Variants in PRLR observed in about 807,000 individuals in gnomAD.
PRLR encodes hPRL receptor.
Under a neutral mutation model 40.2 loss-of-function variants are expected in PRLR, and 13 were observed. The ratio of observed to expected loss-of-function variants is 0.32; its 90% CI spans 0.21 to 0.51. PRLR has a LOEUF of 0.51. Ranked by LOEUF, PRLR falls within the 20% of genes least tolerant of loss-of-function variation. The pLI, the probability that PRLR is intolerant of heterozygous loss-of-function variation, is 0.97. For missense variants in PRLR, 656 were observed against 747.3 expected (o/e 0.88, Z 1.42); for synonymous variants, 269 against 278.7 (o/e 0.97, Z 0.35).
chr5:35,128,355 G>A (rs551685750), intron 1 of PRLR, among the ~76,000 whole-genome samples: 8 of 150,738 alleles, frequency 5.3e-5, no homozygotes, highest in Admixed American at 3.9e-4. Flanking sequence ...GATACAAGAC[G>A]TTGTAGTATT....
intron 2 of PRLR, among the ~76,000 whole-genome samples, chr5:35,097,512 C>T (rs1471215733): frequency 6.6e-6 from 1 of 152,156 alleles, no homozygotes; most frequent in African/African-American, 2.4e-5. Flanking sequence ...GATTTGATCT[C>T]TGGGGTCTGT....
chr5:35,141,010 T>A (rs1477145035), intron 1 of PRLR, among the ~76,000 whole-genome samples: 1 of 152,128 alleles, frequency 6.6e-6, no homozygotes, highest in Non-Finnish European at 1.5e-5. Context: ...CACTAAGAAC[T>A]TCTGGGAAAG....
At chr5:35,219,837 A>G (rs1776372639) in intron 1 of PRLR, among the ~76,000 whole-genome samples, 1 of 152,208 alleles carries the variant, frequency 6.6e-6, no homozygotes, top group African/African-American at 2.4e-5. Context: ...TTTAAATAGC[A>G]CTAGATATTA....
chr5:35,139,804 G>GT (rs1235285306), intron 1 of PRLR, among the ~76,000 whole-genome samples: 3 of 152,124 alleles, frequency 2.0e-5, no homozygotes, highest in African/African-American at 7.2e-5. Context: ...TTTTTTCTTG[G>GT]TAGCCCATTA....
At chr5:35,208,823 T>C (rs1425830365) in intron 1 of PRLR, among the ~76,000 whole-genome samples, 1 of 151,962 alleles carries the variant, frequency 6.6e-6, no homozygotes, top group Non-Finnish European at 1.5e-5. Flanking sequence ...ATCTTAATAA[T>C]TAACATAAAA....
intron 2 of PRLR, among the ~76,000 whole-genome samples, chr5:35,098,067 T>G (rs1379541034): frequency 6.6e-6 from 1 of 152,182 alleles, no homozygotes; most frequent in East Asian, 1.9e-4. Context: ...GATTGCATAT[T>G]CCTACCCACT....
chr5:35,169,178 C>T (rs554259365), intron 1 of PRLR, among the ~76,000 whole-genome samples: 6 of 152,268 alleles, frequency 3.9e-5, no homozygotes, highest in African/African-American at 1.4e-4. Context: ...AGGCAAGGAA[C>T]TGGATGCTTG....
chr5:35,137,452 G>A (rs1773894528), intron 1 of PRLR, among the ~76,000 whole-genome samples: 1 of 152,202 alleles, frequency 6.6e-6, no homozygotes, highest in African/African-American at 2.4e-5. Context: ...TTGGCCTCCT[G>A]TCCTTTGTGG....
rs1216494855 is a variant in PRLR, at chr5:35,064,882, TA to T, written c.*206del. The T allele has an allele frequency of 1.7e-6, 1 of 600,498 alleles. No individual in the cohort carries two copies. Among genetic ancestry groups the T allele is most frequent in the South Asian group, 2.4e-5 (1 of 41,122 alleles). 37.2% of individuals were successfully genotyped at this position (600,498 alleles called of 1,614,324 possible). A position where few individuals can be genotyped will look rare whatever the true frequency, so the allele number is the denominator to read the frequency against. On this transcript the variant is annotated 3_prime_UTR_variant, in exon 10 of 10. Transcript: ENST00000618457. ...TAGTTTTATAACTAACAGCAAAAAGTAAATCTACAAATCACAGTTAGGAAAC... is the reference window on the plus strand; with the variant it reads ...TAGTTTTATAACTAACAGCAAAAAGTAATCTACAAATCACAGTTAGGAAAC...
rs1277316275 is a variant in PRLR, at chr5:35,063,166, C to A, written c.*1923G>T. 6.6e-6 allele frequency: 1 copy of A among 152,234 alleles called. No individual in the cohort carries two copies. Among genetic ancestry groups the A allele is most frequent in the Non-Finnish European group, 1.5e-5 (1 of 68,040 alleles). The allele number at this position is 152,234 out of a possible 1,614,324, so 9.4% of individuals were successfully genotyped here. A position where few individuals can be genotyped will look rare whatever the true frequency, so the allele number is the denominator to read the frequency against. ...TAGGGGACTGAATGAGCTTGGACAA[C>A]TTTCCCACACGCTTCCCTTACTCAC... is the stretch of plus-strand genomic sequence containing the variant. On this transcript the variant is annotated 3_prime_UTR_variant, in exon 10 of 10. Coordinates refer to ENST00000618457, the MANE Select transcript of PRLR (RefSeq NM_000949.7).
chr5:35,117,089 G>T (rs1393042839), intron 2 of PRLR, among the ~76,000 whole-genome samples: 1 of 152,122 alleles, frequency 6.6e-6, no homozygotes, highest in African/African-American at 2.4e-5. Context: ...ATGCTGCTGA[G>T]CATCAAATGA....
intron 1 of PRLR, among the ~76,000 whole-genome samples, chr5:35,176,802 C>T (rs949548293): frequency 3.9e-5 from 6 of 152,158 alleles, no homozygotes; most frequent in African/African-American, 7.2e-5. Flanking sequence ...GCCCGACACC[C>T]GTAAAGGGTC....
chr5:35,107,347 G>A (rs939080423), intron 2 of PRLR, among the ~76,000 whole-genome samples: 4 of 152,116 alleles, frequency 2.6e-5, no homozygotes, highest in Non-Finnish European at 4.4e-5. Flanking sequence ...ACATTCAAAA[G>A]CTAGCAGAAG....
Position 35,125,787 on chromosome 5 carries a change from G to C in PRLR, c.-105-7665C>G, listed in dbSNP as rs190590936. Among the ~76,000 whole-genome samples the C allele has an allele frequency of 5.5e-3, 841 of 152,322 alleles. 5 individuals are homozygous for C. Among genetic ancestry groups the C allele is most frequent in the Non-Finnish European group, 9.3e-3 (633 of 68,034 alleles). On this transcript the variant is annotated intron_variant, in intron 1 of 9. Coordinates refer to ENST00000618457, the MANE Select transcript of PRLR (RefSeq NM_000949.7). ...TTATTTAAGATCAGTAGCCAAAATT[G>C]TTCCTATTTTACACTGCATAATCAG...
chr5:35,140,448 A>T (rs1026067902), intron 1 of PRLR, among the ~76,000 whole-genome samples: 3 of 152,242 alleles, frequency 2.0e-5, no homozygotes, highest in Non-Finnish European at 4.4e-5. Flanking sequence ...TAAATCATTC[A>T]TTCCTGAGAA....
At chr5:35,174,378 C>T (rs1310051654) in intron 1 of PRLR, among the ~76,000 whole-genome samples, 2 of 152,244 alleles carry the variant, frequency 1.3e-5, no homozygotes, top group Non-Finnish European at 2.9e-5. Flanking sequence ...GCGTGAGCCA[C>T]CATGTCTGGA....
At chr5:35,204,769 T>C (rs1000100061) in intron 1 of PRLR, among the ~76,000 whole-genome samples, 3 of 152,136 alleles carry the variant, frequency 2.0e-5, no homozygotes, top group African/African-American at 7.2e-5. Flanking sequence ...CTGAAAAAGA[T>C]CATGTCTTAT....
chr5:35,085,389 G>C (rs1770784773), intron 4 of PRLR, among the ~76,000 whole-genome samples: 1 of 152,184 alleles, frequency 6.6e-6, no homozygotes, highest in Non-Finnish European at 1.5e-5. Flanking sequence ...GTCTCTACCA[G>C]CAACTAAATA....
intron 2 of PRLR, among the ~76,000 whole-genome samples, chr5:35,095,507 A>G (rs1771476290): frequency 6.6e-6 from 1 of 152,154 alleles, no homozygotes; most frequent in Non-Finnish European, 1.5e-5. Flanking sequence ...AAAACTGAGG[A>G]TATAGTGCCA....
Sources: gnomAD v4.1 joint callset for allele counts (sites outside exome capture counted in the v4.1 genomes callset) on GRCh38, gnomAD v4.1.1 for gene constraint, MANE v1.5 for transcripts, NCBI Gene and HGNC (gene_info 2026-07-23, HGNC 2026-07-21) for gene names.